The following ZNF185 variants were observed in gnomAD, a reference collection of about 807,000 sequenced individuals.
The protein encoded by ZNF185 is zinc finger protein 185.
A neutral mutation model predicts 58.6 loss-of-function variants in ZNF185; 56 were observed. The observed-to-expected ratio is 0.95, with a 90% CI of 0.77 to 1.19. ZNF185 has a LOEUF of 1.19. Ranked by LOEUF, ZNF185 falls within the 50% of genes most tolerant of loss-of-function variation. The pLI, the probability that ZNF185 is intolerant of heterozygous loss-of-function variation, is 0.00. For missense variants in ZNF185, 627 were observed against 573.5 expected (o/e 1.09, Z -0.95); for synonymous variants, 230 against 215.9 (o/e 1.07, Z -0.57).
At chrX:152,913,393 C>G (rs1937639555), upstream of ZNF185, among the ~76,000 whole-genome samples, 1 of 112,215 alleles carries the variant, frequency 8.9e-6, no homozygotes, top group African/African-American at 3.2e-5. Context: ...TTCTCCGGAG[C>G]AAATGGCCCT....
At chrX:152,917,997 G>C in intron 5 of ZNF185, 68 bp from the exon 7 acceptor site, 1 of 1,163,703 alleles carries the variant, frequency 8.6e-7, no homozygotes. Flanking sequence ...TGTCCACTGG[G>C]CTGTGTGGCC....
intron 12 of ZNF185, among the ~76,000 whole-genome samples, chrX:152,930,437 G>A (rs1394088288): frequency 1.8e-5 from 2 of 111,507 alleles, no homozygotes; most frequent in African/African-American, 6.5e-5. Context: ...TGGGGCTCAT[G>A]GTGAGCCAAT....
intron 11 of ZNF185, among the ~76,000 whole-genome samples, chrX:152,923,906 G>A (rs782195267): frequency 9.0e-6 from 1 of 111,454 alleles, no homozygotes; most frequent in Non-Finnish European, 1.9e-5. Context: ...AGGGATATGG[G>A]GGCAAAGGCT....
At chrX:152,949,392 T>A (rs2048078607) in intron 16 of ZNF185, among the ~76,000 whole-genome samples, 1 of 112,415 alleles carries the variant, frequency 8.9e-6, no homozygotes, top group Non-Finnish European at 1.9e-5. Flanking sequence ...CTAAATCCTG[T>A]AGCATGCTGG....
intron 14 of ZNF185, 21 bp downstream of exon 16, chrX:152,936,534 C>G (rs2046306588): frequency 5.3e-6 from 6 of 1,140,988 alleles, no homozygotes; most frequent in Non-Finnish European, 7.1e-6. Context: ...GGCCACTGCC[C>G]TAGTGCCCTA....
rs782065848 is a variant in ZNF185, at chrX:152,955,759, G to A, written c.1410-3940G>A. Reference sequence around the variant, plus strand: ...TCTACTAAAAATACAAAAATTAGCCGGGCGCGGTGGCATGCGCCTGTAATC... The same window carrying A: ...TCTACTAAAAATACAAAAATTAGCCAGGCGCGGTGGCATGCGCCTGTAATC... On this transcript the variant is annotated intron_variant, in intron 16 of 22. Transcript: ENST00000449285. 9.9e-4 allele frequency among the ~76,000 whole-genome samples: 110 copies of A among 111,212 alleles called. 1 individual carries two copies. The highest frequency in any genetic ancestry group is 3.3e-3 in the African/African-American group (100 of 30,528).
intron 6 of ZNF185, 41 bp downstream of exon 7, chrX:152,918,195 A>G (rs781878129): frequency 4.3e-4 from 500 of 1,160,739 alleles, no homozygotes; most frequent in Non-Finnish European, 5.5e-4. Flanking sequence ...TCCCTCCTCC[A>G]AGGAACAAGT....
intron 6 of ZNF185, among the ~76,000 whole-genome samples, chrX:152,918,671 T>A (rs1939050870): frequency 8.9e-6 from 1 of 112,303 alleles, no homozygotes; most frequent in Admixed American, 9.4e-5. Flanking sequence ...CCCCACTGCA[T>A]GCTCAGGGAG....
At chrX:152,945,384 T>C (rs1556893977) in exon 16 of ZNF185, 1 of 1,207,800 alleles carries the variant, frequency 8.3e-7, no homozygotes, top group African/African-American at 1.7e-5. Context: ...CTCAGCAACC[T>C]GCAGATCCCA....
At chrX:152,961,181 C>T (rs1042512323) in intron 17 of ZNF185, among the ~76,000 whole-genome samples, 2 of 112,190 alleles carry the variant, frequency 1.8e-5, no homozygotes, top group African/African-American at 6.5e-5. Flanking sequence ...TCATCTTGTC[C>T]CTGCCAATGA....
chrX:152,936,478 C>G (rs1556881855), intron 14 of ZNF185: 1 of 1,166,744 alleles, frequency 8.6e-7, no homozygotes, highest in Non-Finnish European at 1.1e-6. Flanking sequence ...ACAGTGCCAA[C>G]TCTCAGTCCT....
chrX:152,959,613 G>A (rs1485298998), intron 16 of ZNF185, 86 bp from the exon 19 acceptor site: 16 of 1,036,356 alleles, frequency 1.5e-5, no homozygotes, highest in Non-Finnish European at 2.1e-5. Context: ...CCAAGTCCAC[G>A]AGACATGACA....
chrX:152,908,508 G>A, the ZNF185 span, among the ~76,000 whole-genome samples: 16 of 112,449 alleles, frequency 1.4e-4, no homozygotes, highest in Non-Finnish European at 3.0e-4. Context: ...GTAGGGCTGC[G>A]GGAGTGGGTG....
intron 17 of ZNF185, among the ~76,000 whole-genome samples, chrX:152,961,700 C>G (rs948928523): frequency 1.8e-5 from 2 of 112,527 alleles, no homozygotes; most frequent in African/African-American, 6.5e-5. Context: ...TAAGCATGAT[C>G]GTAATAACCA....
intron 16 of ZNF185, 42 bp downstream of exon 18, chrX:152,945,506 G>GT: frequency 8.6e-7 from 1 of 1,156,655 alleles, no homozygotes; most frequent in Non-Finnish European, 1.2e-6. Flanking sequence ...TGGAGCCCAT[G>GT]TTTTTGTTGA....
At chrX:152,907,998 A>G in the ZNF185 span, among the ~76,000 whole-genome samples, 1 of 112,895 alleles carries the variant, frequency 8.9e-6, no homozygotes, top group Non-Finnish European at 1.9e-5. Context: ...GTGTCATGGC[A>G]TGAGAGATCC....
intron 16 of ZNF185, among the ~76,000 whole-genome samples, chrX:152,955,803 G>A (rs943926914): frequency 1.8e-5 from 2 of 110,725 alleles, no homozygotes; most frequent in Admixed American, 1.9e-4. Flanking sequence ...TCGGGAGGCT[G>A]AGGCAAGAGA....
intron 17 of ZNF185, among the ~76,000 whole-genome samples, chrX:152,961,108 ATCTCTGTGC>A (rs1289495716): frequency 1.8e-5 from 2 of 111,683 alleles, no homozygotes; most frequent in Admixed American, 1.9e-4. Flanking sequence ...CCTTGCTGTG[ATCTCTGTGC>A]TCTCTCTGTC....
In ZNF185 at chrX:152,919,874, T is replaced by C. The variant is rs919645131; in HGVS notation, c.531-454T>C. ...CAGATTGGCTATCCTCAGGGAACAG[T>C]TCACAGTGGCAGGGGCCCCCAGGCC... On this transcript the variant is annotated intron_variant, in intron 7 of 22. Coordinates refer to ENST00000449285, the Ensembl canonical transcript of ZNF185. Among the ~76,000 whole-genome samples the C allele has an allele frequency of 1.2e-4, 14 of 112,579 alleles. No individual in the cohort carries two copies. In the Admixed American group the frequency reaches 1.3e-3, roughly 10 times the overall value.
Sources: gnomAD v4.1 joint callset for allele counts (sites outside exome capture counted in the v4.1 genomes callset) on GRCh38, gnomAD v4.1.1 for gene constraint, MANE v1.5 for transcripts, NCBI Gene and HGNC (gene_info 2026-07-23, HGNC 2026-07-21) for gene names.